Variants in TPST1 observed in about 807,000 individuals in gnomAD.
The protein encoded by TPST1 is protein-tyrosine sulfotransferase 1.
In TPST1, 20 loss-of-function variants were observed where a neutral mutation model predicts 34.8. The ratio of observed to expected loss-of-function variants is 0.57; its 90% CI spans 0.40 to 0.84. The LOEUF (loss-of-function observed/expected upper bound fraction) is 0.84, where lower values mean the gene tolerates loss of function less well. Among genes scored for constraint, TPST1 ranks in the 40% least tolerant of loss-of-function variants. The pLI, the probability that TPST1 is intolerant of heterozygous loss-of-function variation, is 0.00. For synonymous variants in TPST1, 152 were observed against 159.4 expected (o/e 0.95, Z 0.35); for missense variants, 353 against 455.5 (o/e 0.78, Z 2.05).
chr7:66,217,198 TA>T (rs775497723), intron 1 of TPST1, among the ~76,000 whole-genome samples: 1 of 152,218 alleles, frequency 6.6e-6, no homozygotes, highest in Admixed American at 6.5e-5. Context: ...AGATATTTGT[TA>T]GATCTAGTTG....
At chr7:66,249,283 T>G (rs1410654555) in intron 2 of TPST1, among the ~76,000 whole-genome samples, 5 of 151,720 alleles carry the variant, frequency 3.3e-5, no homozygotes, top group African/African-American at 9.7e-5. Flanking sequence ...GTAGGGCAAA[T>G]TGGATCTTTA....
intron 2 of TPST1, among the ~76,000 whole-genome samples, chr7:66,282,558 G>A (rs1265549762): frequency 1.3e-5 from 2 of 152,198 alleles, no homozygotes; most frequent in Non-Finnish European, 2.9e-5. Flanking sequence ...TAGGATCAGA[G>A]TTTTTCTTAG....
At chr7:66,202,597 T>C (rs933346593), upstream of TPST1, among the ~76,000 whole-genome samples, 6 of 152,202 alleles carry the variant, frequency 3.9e-5, no homozygotes, top group African/African-American at 1.4e-4. Flanking sequence ...TGGCAGGGGC[T>C]GTGCACCGGT....
intron 3 of TPST1, among the ~76,000 whole-genome samples, chr7:66,336,203 G>A (rs1023176097): frequency 2.6e-5 from 4 of 152,162 alleles, no homozygotes; most frequent in Middle Eastern, 3.4e-3. Flanking sequence ...CCAGCTACTC[G>A]GGAGGCTGAG....
At chr7:66,280,661 G>C (rs1019633119) in intron 2 of TPST1, among the ~76,000 whole-genome samples, 2 of 152,120 alleles carry the variant, frequency 1.3e-5, no homozygotes, top group Admixed American at 6.5e-5. Flanking sequence ...GGAGTGGTGA[G>C]AGAGGGCATC....
intron 1 of TPST1, among the ~76,000 whole-genome samples, chr7:66,219,047 A>ATTT (rs376698635): frequency 5.7e-4 from 62 of 108,884 alleles, no homozygotes; most frequent in African/African-American, 1.8e-3. Flanking sequence ...CGCCTGGCTA[A>ATTT]TTTTTTTTTT....
At chr7:66,307,591 G>T (rs1791450733) in intron 3 of TPST1, among the ~76,000 whole-genome samples, 1 of 152,218 alleles carries the variant, frequency 6.6e-6, no homozygotes, top group Non-Finnish European at 1.5e-5. Flanking sequence ...GATGGAAGCG[G>T]TCCAGTGTGA....
At chr7:66,262,863 C>T (rs1433615562) in intron 2 of TPST1, among the ~76,000 whole-genome samples, 4 of 152,020 alleles carry the variant, frequency 2.6e-5, no homozygotes, top group Non-Finnish European at 4.4e-5. Context: ...TTTGGGAGGC[C>T]GAGGTGGGCA....
chr7:66,348,088 G>A (rs949506288), intron 3 of TPST1, among the ~76,000 whole-genome samples: 2 of 152,108 alleles, frequency 1.3e-5, no homozygotes, highest in African/African-American at 2.4e-5. Flanking sequence ...ACACCTTGGA[G>A]TCATTCTTGA....
chr7:66,317,115 G>A (rs1158838606), intron 3 of TPST1, among the ~76,000 whole-genome samples: 2 of 152,214 alleles, frequency 1.3e-5, no homozygotes, highest in African/African-American at 4.8e-5. Context: ...ACATAAACAT[G>A]CGTGGAGCTG....
intron 3 of TPST1, among the ~76,000 whole-genome samples, chr7:66,322,687 A>C (rs1791781431): frequency 6.6e-6 from 1 of 152,238 alleles, no homozygotes; most frequent in Non-Finnish European, 1.5e-5. Flanking sequence ...TGCTGCAGTG[A>C]ACATGATGTG....
At chr7:66,271,336 G>A (rs185125764) in intron 2 of TPST1, among the ~76,000 whole-genome samples, 27 of 152,224 alleles carry the variant, frequency 1.8e-4, no homozygotes, top group Admixed American at 4.6e-4. Context: ...CCGCCGCCAC[G>A]CCCGGCTAAT....
chr7:66,316,637 C>G (rs1180421108), intron 3 of TPST1, among the ~76,000 whole-genome samples: 1 of 152,168 alleles, frequency 6.6e-6, no homozygotes, highest in Non-Finnish European at 1.5e-5. Flanking sequence ...TTAGCATTTT[C>G]TAGCAAATTG....
chr7:66,241,565 T>A (rs1283254452), intron 2 of TPST1, among the ~76,000 whole-genome samples: 1 of 152,220 alleles, frequency 6.6e-6, no homozygotes, highest in Non-Finnish European at 1.5e-5. Flanking sequence ...GTGAAAAGCC[T>A]TCTTCAGGGT....
At chr7:66,307,472 G>A (rs1791448751) in intron 3 of TPST1, among the ~76,000 whole-genome samples, 1 of 152,130 alleles carries the variant, frequency 6.6e-6, no homozygotes, top group African/African-American at 2.4e-5. Context: ...TGTTTAGAAT[G>A]CCATTATGGT....
chr7:66,332,938 A>G lies in TPST1; in HGVS notation c.1045-19567A>G, dbSNP rs974472616. ...TGTGGATACCAAGAGATGACTGTAT[A>G]GGGGAGGCCGTGGTGACAGATGAAG... On this transcript the variant is annotated intron_variant, in intron 3 of 5. Coordinates refer to ENST00000304842, the MANE Select transcript of TPST1 (RefSeq NM_003596.4). The surrounding 1 kb of genome is among the most constrained non-coding windows in gnomAD (Gnocchi z 4.5). 6.6e-5 allele frequency among the ~76,000 whole-genome samples: 10 copies of G among 152,180 alleles called. No homozygotes were observed. The highest frequency in any genetic ancestry group is 1.2e-4 in the Non-Finnish European group (8 of 68,022).
intron 1 of TPST1, among the ~76,000 whole-genome samples, chr7:66,236,557 C>T (rs963251704): frequency 6.6e-6 from 1 of 152,038 alleles, no homozygotes; most frequent in Admixed American, 6.5e-5. Flanking sequence ...CCTTTCCAAA[C>T]GGAACCAATG....
At chr7:66,205,080 C>A (rs950239722), upstream of TPST1, 1 of 152,212 alleles carries the variant, frequency 6.6e-6, no homozygotes, top group Non-Finnish European at 1.5e-5. The surrounding 1 kb of genome is among the most constrained non-coding windows in gnomAD (Gnocchi z 5.0). Flanking sequence ...AGGCCTGCGG[C>A]TGCCGGGAAG....
At chr7:66,326,993 A>G (rs1791880343) in intron 3 of TPST1, among the ~76,000 whole-genome samples, 1 of 152,214 alleles carries the variant, frequency 6.6e-6, no homozygotes, top group African/African-American at 2.4e-5. Flanking sequence ...CATGAATGTT[A>G]TCAGCTGTTT....
Sources: gnomAD v4.1 joint callset for allele counts (sites outside exome capture counted in the v4.1 genomes callset) on GRCh38, gnomAD v4.1.1 for gene constraint, Gnocchi (gnomAD v3.1) non-coding constraint, MANE v1.5 for transcripts, NCBI Gene and HGNC (gene_info 2026-07-23, HGNC 2026-07-21) for gene names.